Variants in IVNS1ABP observed in about 807,000 individuals in gnomAD.
IVNS1ABP encodes influenza virus NS1A-binding protein.
A neutral mutation model predicts 78.9 loss-of-function variants in IVNS1ABP; 25 were observed. The ratio of observed to expected loss-of-function variants is 0.32; its 90% CI spans 0.23 to 0.44. IVNS1ABP has a LOEUF of 0.44. Ranked by LOEUF, IVNS1ABP falls within the 20% of genes least tolerant of loss-of-function variation. The pLI is 1.00. For missense variants in IVNS1ABP, 494 were observed against 768.9 expected (o/e 0.64, Z 4.23); for synonymous variants, 241 against 259.7 (o/e 0.93, Z 0.69).
intron 8 of IVNS1ABP, among the ~76,000 whole-genome samples, chr1:185,303,703 T>A (rs1665660124): frequency 1.3e-5 from 2 of 152,066 alleles, no homozygotes; most frequent in Non-Finnish European, 2.9e-5. Context: ...ATCATTTTTT[T>A]AAAACCTGAA....
At chr1:185,314,615 A>C (rs1442210805) in intron 1 of IVNS1ABP, among the ~76,000 whole-genome samples, 1 of 152,206 alleles carries the variant, frequency 6.6e-6, no homozygotes, top group East Asian at 1.9e-4. Context: ...TAAACAAGGA[A>C]GCATAGGGCA....
At chr1:185,315,130 G>T (rs181968826) in intron 1 of IVNS1ABP, among the ~76,000 whole-genome samples, 1 of 152,236 alleles carries the variant, frequency 6.6e-6, no homozygotes, top group East Asian at 1.9e-4. Flanking sequence ...ATTCCTACTT[G>T]CAGGATTTGA....
intron 5 of IVNS1ABP, chr1:185,307,985 T>A: frequency 6.5e-7 from 1 of 1,550,004 alleles, no homozygotes; most frequent in Non-Finnish European, 8.7e-7. Context: ...GAGATGATGT[T>A]GATGTTGAAT....
Position 185,308,992 on chromosome 1 carries a change from A to G in IVNS1ABP, c.281+11T>C, listed in dbSNP as rs1665815161. 2 of 1,600,198 alleles carry G rather than the reference A, an allele frequency of 1.2e-6. No individual in the cohort carries two copies. The highest frequency in any genetic ancestry group is 1.7e-6 in the Non-Finnish European group (2 of 1,173,176). ...TTCCCTAATTATATGGTTTACTTCA[A>G]ATGTACTTACTGAGCAGTGTAGGCA... On this transcript the variant is annotated intron_variant, in intron 4 of 14. Coordinates refer to ENST00000367498, the MANE Select transcript of IVNS1ABP (RefSeq NM_006469.5).
At chr1:185,303,913 G>C (rs912488312) in intron 8 of IVNS1ABP, among the ~76,000 whole-genome samples, 1 of 152,024 alleles carries the variant, frequency 6.6e-6, no homozygotes, top group African/African-American at 2.4e-5. Flanking sequence ...CAAAACTTTC[G>C]TATCACTGTA....
At chr1:185,304,924 T>C (rs1404214887) in intron 8 of IVNS1ABP, among the ~76,000 whole-genome samples, 4 of 152,156 alleles carry the variant, frequency 2.6e-5, no homozygotes, top group Non-Finnish European at 5.9e-5. Context: ...GTCTGAATAA[T>C]TATGTGTTTA....
intron 1 of IVNS1ABP, among the ~76,000 whole-genome samples, chr1:185,315,837 C>T (rs920177640): frequency 6.6e-6 from 1 of 152,174 alleles, no homozygotes; most frequent in Non-Finnish European, 1.5e-5. Flanking sequence ...GAGTTGTCAT[C>T]TATTAGTAGA....
chr1:185,299,967 T>TA lies in IVNS1ABP; in HGVS notation c.1501+31_1501+32insT. 3 of 1,605,460 alleles carry TA rather than the reference T, an allele frequency of 1.9e-6. No individual in the cohort carries two copies. In the Admixed American group the frequency reaches 5.2e-5, roughly 28 times the overall value. ...ACACATACTGTTGATTTGAAGGTCTTTAAAAAAAAAAAGGAAAAAAAATCA... is the reference window on the plus strand; with the variant it reads ...ACACATACTGTTGATTTGAAGGTCTTATAAAAAAAAAAAGGAAAAAAAATCA... On this transcript the variant is annotated intron_variant, in intron 13 of 14. Transcript: ENST00000367498.
chr1:185,306,429 A>C (rs367869430), intron 7 of IVNS1ABP: 356 of 1,270,476 alleles, frequency 2.8e-4, no homozygotes, highest in Non-Finnish European at 3.5e-4. Flanking sequence ...TGTATGAACA[A>C]CACCATTGAA....
At chr1:185,310,600 T>TA (rs1172286024) in intron 2 of IVNS1ABP, among the ~76,000 whole-genome samples, 1 of 151,730 alleles carries the variant, frequency 6.6e-6, no homozygotes, top group East Asian at 1.9e-4. Context: ...GACTCCATCT[T>TA]AAAAAAATAA....
At chr1:185,300,809 T>C in intron 10 of IVNS1ABP, 163 bp downstream of exon 10, 1 of 686,180 alleles carries the variant, frequency 1.5e-6, no homozygotes, top group Admixed American at 3.0e-5. Context: ...AAAAATTAGA[T>C]ACAGACATTG....
At chr1:185,306,919 G>T (rs1341583206) in intron 7 of IVNS1ABP, 95 bp downstream of exon 7, 1 of 1,398,274 alleles carries the variant, frequency 7.2e-7, no homozygotes, top group Non-Finnish European at 9.9e-7. Context: ...AATTCTTTAG[G>T]GTCATGGTTA....
chr1:185,299,049 A>G (rs1203887857), intron 14 of IVNS1ABP: 1 of 152,310 alleles, frequency 6.6e-6, no homozygotes, highest in African/African-American at 2.4e-5. Context: ...TCATTTGACC[A>G]TCACTTAACC....
At chr1:185,308,902 T>C (rs753351167) in intron 4 of IVNS1ABP, 27 bp from the exon 5 acceptor site, 3 of 1,585,894 alleles carry the variant, frequency 1.9e-6, no homozygotes, top group Non-Finnish European at 2.6e-6. Flanking sequence ...TTACTTATGA[T>C]ACCAAAGCCT....
In IVNS1ABP at chr1:185,297,010, C is replaced by G. The variant is rs953281767; in HGVS notation, c.*1025G>C. Reference sequence around the variant, plus strand: ...GTGTGTAGCACTACACATTAGACACCAAGTCATCCCAACCAATATTTATCC... The same window carrying G: ...GTGTGTAGCACTACACATTAGACACGAAGTCATCCCAACCAATATTTATCC... On this transcript the variant is annotated 3_prime_UTR_variant, in exon 15 of 15. Transcript: ENST00000367498. 3.9e-5 allele frequency: 6 copies of G among 152,120 alleles called. No individual in the cohort carries two copies. The highest frequency in any genetic ancestry group is 3.9e-4 in the Admixed American group (6 of 15,260). The allele number at this position is 152,120 out of a possible 1,614,324, so 9.4% of individuals were successfully genotyped here. A position where few individuals can be genotyped will look rare whatever the true frequency, so the allele number is the denominator to read the frequency against.
rs765418391 is a variant in IVNS1ABP at position 185,307,214 on chromosome 1, A to G, written c.532-75T>C. 8.4e-6 allele frequency: 13 copies of G among 1,545,486 alleles called. No homozygotes were observed. In the Admixed American group the frequency reaches 2.1e-4, roughly 25 times the overall value. Reference sequence around the variant, plus strand: ...TCAGCTTAATTCCCAATTTCATAATAAAGTTGTCACAGATGCACAATTCAT... The same window carrying G: ...TCAGCTTAATTCCCAATTTCATAATGAAGTTGTCACAGATGCACAATTCAT... On this transcript the variant is annotated intron_variant, in intron 6 of 14. Coordinates refer to ENST00000367498, the MANE Select transcript of IVNS1ABP (RefSeq NM_006469.5).
At position 185,300,267 on chromosome 1, in the gene IVNS1ABP, A is replaced by T; in HGVS notation, c.1319T>A (p.Ile440Lys). ...TTCTGGAACAGGAATCCAGTCATCT[A>T]TGTTTGAATCATACATCTCTCCACA... Reference protein sequence around the residue: ...LSCGEMYDSNIDDWIPVPELR... With the variant: ...LSCGEMYDSNKDDWIPVPELR... The change falls in exon 12 of 15, where the codon ATA becomes AAA. Residue 440 changes from isoleucine to lysine, a missense_variant. Transcript: ENST00000367498. 6.2e-7 allele frequency: 1 copy of T among 1,613,428 alleles called. No homozygotes were observed.
At chr1:185,314,746 A>ATATC (rs1297186582) in intron 1 of IVNS1ABP, among the ~76,000 whole-genome samples, 46 of 152,326 alleles carry the variant, frequency 3.0e-4, no homozygotes, top group African/African-American at 1.1e-3. Flanking sequence ...TTTATCTTAG[A>ATATC]TATGTGGCAT....
chr1:185,307,831 AATT>A (rs1177497861), intron 5 of IVNS1ABP, 169 bp from the exon 6 acceptor site: 6 of 1,227,218 alleles, frequency 4.9e-6, no homozygotes, highest in Non-Finnish European at 1.1e-6. Flanking sequence ...ATAAACATCT[AATT>A]ATGCCATACA....
Sources: gnomAD v4.1 joint callset for allele counts (sites outside exome capture counted in the v4.1 genomes callset) on GRCh38, gnomAD v4.1.1 for gene constraint, MANE v1.5 for transcripts, NCBI Gene and HGNC (gene_info 2026-07-23, HGNC 2026-07-21) for gene names.